The following RBPMS variants were observed in gnomAD, a reference collection of about 807,000 sequenced individuals.
The protein encoded by RBPMS is RNA-binding protein with multiple splicing.
RBPMS carries 7 observed loss-of-function variants against 26.8 expected under a neutral mutation model. The observed-to-expected ratio is 0.26, with a 90% CI of 0.15 to 0.49. The LOEUF (loss-of-function observed/expected upper bound fraction) is 0.49. RBPMS is among the 20% of genes least tolerant of loss of function. The probability of loss-of-function intolerance (pLI) is 0.98; values close to 1 mark genes in which losing one functional copy is unlikely to be tolerated. For synonymous variants in RBPMS, 96 were observed against 93.3 expected (o/e 1.03, Z -0.17); for missense variants, 186 against 250.0 (o/e 0.74, Z 1.73).
chr8:30,566,569 A>G (rs1827899845), intron 8 of RBPMS, among the ~76,000 whole-genome samples: 1 of 152,304 alleles, frequency 6.6e-6, no homozygotes, highest in South Asian at 2.1e-4. Flanking sequence ...TTTAAAGCCC[A>G]TCACCCCAGT....
At chr8:30,563,389 C>CG (rs1050701207) in intron 7 of RBPMS, among the ~76,000 whole-genome samples, 3 of 152,202 alleles carry the variant, frequency 2.0e-5, no homozygotes, top group Non-Finnish European at 2.9e-5. Flanking sequence ...GCATGAGCAA[C>CG]GCTGCTGTCA....
chr8:30,464,640 C>G (rs566884719), intron 1 of RBPMS, among the ~76,000 whole-genome samples: 3 of 152,214 alleles, frequency 2.0e-5, no homozygotes, highest in Admixed American at 6.5e-5. Flanking sequence ...TTTAAATGAC[C>G]ATGAACTCTG....
intron 1 of RBPMS, among the ~76,000 whole-genome samples, chr8:30,421,436 C>T (rs907215987): frequency 6.6e-6 from 1 of 152,124 alleles, no homozygotes. Flanking sequence ...GGTGATGTTT[C>T]CATAAATCCT....
At chr8:30,411,237 C>T (rs1388809743) in intron 1 of RBPMS, among the ~76,000 whole-genome samples, 2 of 152,150 alleles carry the variant, frequency 1.3e-5, no homozygotes, top group African/African-American at 2.4e-5. Context: ...ACTCCAGACC[C>T]TGGCCTGTGT....
chr8:30,511,486 A>AATATATATATATATATATAT (rs869100800), intron 5 of RBPMS, among the ~76,000 whole-genome samples: 2 of 23,562 alleles, frequency 8.5e-5, no homozygotes, highest in African/African-American at 3.3e-4. Context: ...AAAAAAAAAA[A>AATATATATATATATATATAT]ATATATATAT....
chr8:30,389,067 C>T (rs1294207766), intron 1 of RBPMS, among the ~76,000 whole-genome samples: 1 of 152,128 alleles, frequency 6.6e-6, no homozygotes, highest in African/African-American at 2.4e-5. Flanking sequence ...GATGTGGCAA[C>T]CTCAAATTTT....
intron 6 of RBPMS, chr8:30,555,862 T>A (rs1320300954): frequency 7.1e-6 from 7 of 984,866 alleles, no homozygotes; most frequent in Non-Finnish European, 8.4e-6. Flanking sequence ...GAGAGAACCC[T>A]CTCCTCATTA....
At chr8:30,462,865 G>A (rs373727771) in intron 1 of RBPMS, among the ~76,000 whole-genome samples, 1 of 152,158 alleles carries the variant, frequency 6.6e-6, no homozygotes, top group Non-Finnish European at 1.5e-5. Flanking sequence ...TGATGGTGGG[G>A]TGCTGGCCAG....
Position 30,570,722 on chromosome 8 carries a change from T to TATA in RBPMS, c.*200_*202dup, listed in dbSNP as rs1828215867. 6.6e-6 allele frequency: 1 copy of TATA among 152,628 alleles called. No individual in the cohort carries two copies. Among genetic ancestry groups the TATA allele is most frequent in the South Asian group, 2.1e-4 (1 of 4,836 alleles). 9.5% of individuals were successfully genotyped at this position (152,628 alleles called of 1,614,324 possible). On this transcript the variant is annotated 3_prime_UTR_variant, in exon 9 of 9. Transcript: ENST00000397323. ...CATCTGTTTTTCTCGAAGAAAAAAATATAATTAATAAAAATGTTTTACTCT... is the reference window on the plus strand; with the variant it reads ...CATCTGTTTTTCTCGAAGAAAAAAATATAATAATTAATAAAAATGTTTTACTCT...
At position 30,421,752 on chromosome 8, in the gene RBPMS, C is replaced by T. The variant is rs141496575; in HGVS notation, c.66+36594C>T. ...CAGGTGGATCACAAGGTCAAGAGAT[C>T]GAGACCATCCTGGCCAACATGGTGA... On this transcript the variant is annotated intron_variant, in intron 1 of 8. Transcript: ENST00000397323. Among the ~76,000 whole-genome samples the T allele has an allele frequency of 9.4e-3, 1,432 of 152,090 alleles. 18 individuals carry two copies. Among genetic ancestry groups the T allele is most frequent in the African/African-American group, 0.032 (1,338 of 41,492 alleles).
In RBPMS at chr8:30,532,405, G is replaced by A. The variant is rs187712977; in HGVS notation, c.398-12089G>A. Among the ~76,000 whole-genome samples, 306 of 152,254 alleles carry A rather than the reference G, an allele frequency of 2.0e-3. 1 individual carries two copies. Among genetic ancestry groups the A allele is most frequent in the African/African-American group, 6.5e-3 (272 of 41,546 alleles). Reference sequence around the variant, plus strand: ...TACCTTTTTTCCTATATTAATGTCAGTTACTAATGTTACTGTTGTTTGACA... The same window carrying A: ...TACCTTTTTTCCTATATTAATGTCAATTACTAATGTTACTGTTGTTTGACA... On this transcript the variant is annotated intron_variant, in intron 5 of 8. Transcript: ENST00000397323.
intron 5 of RBPMS, among the ~76,000 whole-genome samples, chr8:30,526,496 A>G (rs912105188): frequency 1.3e-5 from 2 of 152,342 alleles, no homozygotes; most frequent in Admixed American, 6.5e-5. Context: ...CCCCAAAGTG[A>G]AAACAATCCA....
chr8:30,544,857 C>A, intron 6 of RBPMS: 1 of 1,515,466 alleles, frequency 6.6e-7, no homozygotes, highest in Non-Finnish European at 8.8e-7. Context: ...CCTCTCTCTT[C>A]CTTAATGATC....
intron 1 of RBPMS, 130 bp downstream of exon 1, chr8:30,385,288 A>C (rs1806892272): frequency 1.8e-6 from 1 of 568,878 alleles, no homozygotes; most frequent in African/African-American, 2.0e-5. Flanking sequence ...GCAGCCCCAC[A>C]GTGTGGCCCG....
chr8:30,501,699 A>T (rs1191018692), intron 4 of RBPMS, among the ~76,000 whole-genome samples: 1 of 152,222 alleles, frequency 6.6e-6, no homozygotes, highest in Non-Finnish European at 1.5e-5. Flanking sequence ...TCATTGTGAG[A>T]AGAACGGTGA....
At chr8:30,550,879 C>T (rs904436230) in intron 6 of RBPMS, among the ~76,000 whole-genome samples, 3 of 152,224 alleles carry the variant, frequency 2.0e-5, no homozygotes, top group Non-Finnish European at 2.9e-5. Context: ...TCACGAGTTA[C>T]TTTACACAAA....
chr8:30,552,168 CGA>C (rs1826439896), intron 6 of RBPMS, among the ~76,000 whole-genome samples: 1 of 152,016 alleles, frequency 6.6e-6, no homozygotes, highest in Admixed American at 6.5e-5. Context: ...TGGCGTATAC[CGA>C]GAGGAGGCCG....
chr8:30,456,979 T>C (rs1224145293), intron 1 of RBPMS, among the ~76,000 whole-genome samples: 1 of 152,198 alleles, frequency 6.6e-6, no homozygotes, highest in African/African-American at 2.4e-5. Context: ...ACTGCATATC[T>C]GGGATGTTGG....
At chr8:30,569,852 G>A (rs1007317057) in intron 8 of RBPMS, among the ~76,000 whole-genome samples, 1 of 152,176 alleles carries the variant, frequency 6.6e-6, no homozygotes, top group Non-Finnish European at 1.5e-5. Flanking sequence ...AAGCGGATGT[G>A]CTAGAACTAA....
Sources: allele counts gnomAD v4.1 joint callset (sites outside exome capture counted in the v4.1 genomes callset), GRCh38; gene constraint gnomAD v4.1.1; transcripts MANE v1.5; gene names NCBI Gene and HGNC (gene_info 2026-07-23, HGNC 2026-07-21).